The following PLCB4 variants were observed in gnomAD, a reference collection of about 807,000 sequenced individuals.
PLCB4 encodes the protein phospholipase C beta 4, also known as 1-phosphatidylinositol 4,5-bisphosphate phosphodiesterase beta-4.
Under a neutral mutation model 178.8 loss-of-function variants are expected in PLCB4, and 77 were observed. That is an observed-to-expected ratio of 0.43 (90% CI 0.36 to 0.52). The LOEUF is 0.52. Among genes scored for constraint, PLCB4 ranks in the 20% least tolerant of loss-of-function variants. The pLI, the probability that PLCB4 is intolerant of heterozygous loss-of-function variation, is 0.00. For missense variants in PLCB4, 1,024 were observed against 1,453.4 expected, an observed-to-expected ratio of 0.70 and a Z score of 4.80; for synonymous variants, 496 against 490.8, an observed-to-expected ratio of 1.01 and a Z score of -0.14.
rs149163328 is a variant in PLCB4 at position 9,465,159 on chromosome 20, C to T, written c.3249-3412C>T. On this transcript the variant is annotated intron_variant, in intron 35 of 39. Coordinates refer to ENST00000378473, the MANE Select transcript of PLCB4 (RefSeq NM_001377142.1). ...ATGCAAATCAATAAATGTAATCCATCACGTAAACAGAACCAATAACAAAAA... is the reference window on the plus strand; with the variant it reads ...ATGCAAATCAATAAATGTAATCCATTACGTAAACAGAACCAATAACAAAAA... Among the ~76,000 whole-genome samples, 717 of 152,318 alleles carry T rather than the reference C, an allele frequency of 4.7e-3. 5 individuals are homozygous for T. Among genetic ancestry groups the T allele is most frequent in the African/African-American group, 0.016 (676 of 41,564 alleles).
At chr20:9,477,434 A>G (rs955540056) in intron 39 of PLCB4, among the ~76,000 whole-genome samples, 4 of 152,208 alleles carry the variant, frequency 2.6e-5, no homozygotes, top group Non-Finnish European at 4.4e-5. Context: ...GTAATGTCCT[A>G]TGATTCTTCC....
intron 2 of PLCB4, among the ~76,000 whole-genome samples, chr20:9,120,215 C>T (rs556249283): frequency 7.2e-5 from 11 of 152,242 alleles, no homozygotes; most frequent in African/African-American, 2.6e-4. Context: ...TGTGTGCAGC[C>T]TCATTATTAA....
chr20:9,343,280 G>A (rs2033438205), intron 7 of PLCB4, among the ~76,000 whole-genome samples: 1 of 151,990 alleles, frequency 6.6e-6, no homozygotes, highest in Non-Finnish European at 1.5e-5. Context: ...ATTTAATCTA[G>A]GCAAAAGGGT....
At position 9,421,469 on chromosome 20, in the gene PLCB4, A is replaced by G; in HGVS notation, c.2319+8A>G. On this transcript the variant is annotated splice_region_variant and intron_variant, in intron 27 of 39. Transcript: ENST00000378473. ...TCATTTGTATTTCGGAAGGTAGGAC[A>G]TTTTCAGCACGTCAAACTTACTCTA... The G allele has an allele frequency of 6.2e-7, 1 of 1,609,828 alleles. No homozygotes were observed. Among genetic ancestry groups the G allele is most frequent in the Non-Finnish European group, 8.5e-7 (1 of 1,176,880 alleles).
chr20:9,428,428 T>G (rs187739632), intron 28 of PLCB4, among the ~76,000 whole-genome samples: 30 of 152,260 alleles, frequency 2.0e-4, no homozygotes, highest in Admixed American at 1.6e-3. Context: ...TTAAACAGGC[T>G]TATCTATTGC....
chr20:9,186,598 C>T (rs2093332317), intron 2 of PLCB4, among the ~76,000 whole-genome samples: 1 of 152,202 alleles, frequency 6.6e-6, no homozygotes, highest in Non-Finnish European at 1.5e-5. Context: ...TCTTTCCTGT[C>T]TGGCCGTTTT....
At chr20:9,302,702 C>CT (rs2094720234) in intron 3 of PLCB4, among the ~76,000 whole-genome samples, 2 of 152,064 alleles carry the variant, frequency 1.3e-5, no homozygotes, top group East Asian at 3.9e-4. Context: ...TATAGTGAGA[C>CT]TATTGTGATG....
intron 28 of PLCB4, among the ~76,000 whole-genome samples, chr20:9,432,370 C>T (rs2041479401): frequency 6.6e-6 from 1 of 152,156 alleles, no homozygotes; most frequent in African/African-American, 2.4e-5. Context: ...CTCAAAAATG[C>T]CATATACTCT....
At chr20:9,194,893 T>C (rs1345846858) in intron 2 of PLCB4, among the ~76,000 whole-genome samples, 1 of 152,168 alleles carries the variant, frequency 6.6e-6, no homozygotes, top group African/African-American at 2.4e-5. Context: ...TGCATTGTCC[T>C]AATGCTTCTT....
At chr20:9,413,151 T>C (rs2039975865) in intron 25 of PLCB4, among the ~76,000 whole-genome samples, 1 of 152,182 alleles carries the variant, frequency 6.6e-6, no homozygotes, top group Non-Finnish European at 1.5e-5. Flanking sequence ...ACAGGACCCG[T>C]CGGGCATGGC....
At chr20:9,162,253 C>A (rs2092900614) in intron 2 of PLCB4, among the ~76,000 whole-genome samples, 1 of 152,106 alleles carries the variant, frequency 6.6e-6, no homozygotes, top group Non-Finnish European at 1.5e-5. Context: ...TAAAGTCAAT[C>A]TTTTGCAAGG....
intron 1 of PLCB4, among the ~76,000 whole-genome samples, chr20:9,093,299 A>C (rs983803281): frequency 4.6e-5 from 7 of 152,202 alleles, no homozygotes; most frequent in Non-Finnish European, 2.9e-5. Flanking sequence ...GACCTCCGTC[A>C]TGTAACTCGT....
At chr20:9,236,052 A>G (rs556139598) in intron 3 of PLCB4, among the ~76,000 whole-genome samples, 25 of 152,332 alleles carry the variant, frequency 1.6e-4, no homozygotes, top group Middle Eastern at 3.4e-3. Context: ...GAAACAGGAC[A>G]TTCCCAATAT....
At chr20:9,311,760 T>C (rs1312249266) in intron 4 of PLCB4, among the ~76,000 whole-genome samples, 1 of 152,186 alleles carries the variant, frequency 6.6e-6, no homozygotes, top group Non-Finnish European at 1.5e-5. Context: ...AGTCAAAGTA[T>C]GTCCTTAAAA....
intron 21 of PLCB4, 126 bp from the exon 22 acceptor site, chr20:9,407,791 G>A (rs544906887): frequency 2.9e-6 from 2 of 701,564 alleles, no homozygotes; most frequent in African/African-American, 1.8e-5. Flanking sequence ...GCATAATTGA[G>A]GAAGAAAAAG....
chr20:9,082,267 A>G (rs2090189716), intron 1 of PLCB4, among the ~76,000 whole-genome samples: 1 of 152,226 alleles, frequency 6.6e-6, no homozygotes, highest in African/African-American at 2.4e-5. Flanking sequence ...CAAGTACATC[A>G]GTGCCAAACA....
intron 2 of PLCB4, among the ~76,000 whole-genome samples, chr20:9,187,885 C>A (rs977816910): frequency 1.3e-5 from 2 of 152,096 alleles, no homozygotes; most frequent in African/African-American, 4.8e-5. Context: ...AGGCATTTTG[C>A]GTTCATTTGG....
In PLCB4 at chr20:9,389,971, A is replaced by G. The variant is rs1390256192; in HGVS notation, c.1238+13A>G. ...AAAATCACTGCAGGTATAATGATCCATTCTGCCACAAGTCTCTATGTGGTA... is the reference window on the plus strand; with the variant it reads ...AAAATCACTGCAGGTATAATGATCCGTTCTGCCACAAGTCTCTATGTGGTA... On this transcript the variant is annotated intron_variant, in intron 16 of 39. Coordinates refer to ENST00000378473, the MANE Select transcript of PLCB4 (RefSeq NM_001377142.1). 1.4e-6 allele frequency: 2 copies of G among 1,394,272 alleles called. No individual in the cohort carries two copies. The highest frequency in any genetic ancestry group is 2.0e-6 in the Non-Finnish European group (2 of 983,714). The allele number at this position is 1,394,272 out of a possible 1,614,324, so 86.4% of individuals were successfully genotyped here.
At chr20:9,200,416 A>G (rs2093528401) in intron 2 of PLCB4, among the ~76,000 whole-genome samples, 1 of 152,174 alleles carries the variant, frequency 6.6e-6, no homozygotes, top group South Asian at 2.1e-4. Context: ...AGACTCTTGC[A>G]GTAGCCTGTT....
Sources: gnomAD v4.1 joint callset for allele counts (sites outside exome capture counted in the v4.1 genomes callset) on GRCh38, gnomAD v4.1.1 for gene constraint, MANE v1.5 for transcripts, NCBI Gene and HGNC (gene_info 2026-07-23, HGNC 2026-07-21) for gene names.